INSIG2: variants seen among roughly 807,000 people sequenced by gnomAD.
The protein encoded by INSIG2 is insulin induced gene 2, also known as insulin-induced gene 2 protein.
In INSIG2, 10 loss-of-function variants were observed where a neutral mutation model predicts 27.2. The ratio of observed to expected loss-of-function variants is 0.37; its 90% confidence interval spans 0.23 to 0.62. INSIG2 has a LOEUF of 0.62. Ranked by LOEUF, INSIG2 falls within the 20% of genes least tolerant of loss-of-function variation. The probability of loss-of-function intolerance (pLI) is 0.65; values close to 1 mark genes in which losing one functional copy is unlikely to be tolerated. For missense variants in INSIG2, 178 were observed against 270.2 expected, an observed-to-expected ratio of 0.66 and a Z score of 2.39; for synonymous variants, 97 against 95.8, an observed-to-expected ratio of 1.01 and a Z score of -0.07.
chr2:118,098,897 T>C (rs1678474269), intron 2 of INSIG2, among the ~76,000 whole-genome samples: 2 of 152,210 alleles, frequency 1.3e-5, no homozygotes, highest in Admixed American at 6.5e-5. Context: ...TACCATAAGG[T>C]ACTTGGGCAA....
intron 1 of INSIG2, among the ~76,000 whole-genome samples, chr2:118,089,365 A>G (rs1678171465): frequency 6.6e-6 from 1 of 152,186 alleles, no homozygotes; most frequent in East Asian, 1.9e-4. Context: ...AGGAATGGTT[A>G]GGCTTGGCAG....
intron 2 of INSIG2, among the ~76,000 whole-genome samples, chr2:118,101,846 T>C (rs1225037367): frequency 6.6e-6 from 1 of 152,206 alleles, no homozygotes; most frequent in Non-Finnish European, 1.5e-5. Context: ...CTGTGAGCCA[T>C]CTATACTCAG....
At chr2:118,093,941 TGAGGAG>T (rs1331616893) in intron 1 of INSIG2, among the ~76,000 whole-genome samples, 583 of 7,072 alleles carry the variant, frequency 0.082, 134 homozygotes, top group African/African-American at 0.21. Context: ...ATGATGATGA[TGAGGAG>T]GAGGAGGAGG....
chr2:118,098,572 C>G (rs1678466530), intron 2 of INSIG2, among the ~76,000 whole-genome samples: 1 of 152,172 alleles, frequency 6.6e-6, no homozygotes, highest in Admixed American at 6.6e-5. Context: ...GGGTGCCAGA[C>G]CTAGATGGAA....
At position 118,096,091 on chromosome 2, in the gene INSIG2, A is replaced by G. The variant is rs552522883; in HGVS notation, c.-138-328A>G. Among the ~76,000 whole-genome samples, 125 of 152,332 alleles carry G rather than the reference A, an allele frequency of 8.2e-4. 1 individual carries two copies. The highest frequency in any genetic ancestry group is 9.6e-4 in the Non-Finnish European group (65 of 68,018). On this transcript the variant is annotated intron_variant, in intron 1 of 5. Coordinates refer to ENST00000245787, the MANE Select transcript of INSIG2 (RefSeq NM_016133.4). ...AGCAGGGTTTTACCCTCCAGATTCT[A>G]GTGGAAGTGTCAGATTACCTGTTCT...
In INSIG2 at chr2:118,096,793, G is replaced by A. The variant is rs375157361; in HGVS notation, c.237G>A (p.Thr79=). 2.5e-5 allele frequency: 40 copies of A among 1,612,478 alleles called. No homozygotes were observed. Among genetic ancestry groups the A allele is most frequent in the Admixed American group, 5.0e-5 (3 of 59,984 alleles). The change falls in exon 2 of 6, where the codon ACG becomes ACA. Residue 79 remains threonine, a synonymous_variant. Transcript: ENST00000245787. ...SAWWVPPCCG[T]ASAVIGLLYP... is the part of the protein sequence containing the mutation. ...GGTGGGTACCCCCATGCTGTGGCAC[G>A]GCTTCAGGTATGTGTAGGATGTTTC...
At position 118,109,249 on chromosome 2, in the gene INSIG2, T is replaced by C. The variant is rs1678753838; in HGVS notation, c.*927T>C. On this transcript the variant is annotated 3_prime_UTR_variant, in exon 6 of 6. Coordinates refer to ENST00000245787, the MANE Select transcript of INSIG2 (RefSeq NM_016133.4). ...GATCACAATGAGGTTTCTAAATCTGTTGGGTTCTGTCTTCTATTGGGTTCT... is the reference window on the plus strand; with the variant it reads ...GATCACAATGAGGTTTCTAAATCTGCTGGGTTCTGTCTTCTATTGGGTTCT... The C allele has an allele frequency of 6.6e-6, 1 of 152,216 alleles. No homozygotes were observed. The highest frequency in any genetic ancestry group is 2.4e-5 in the African/African-American group (1 of 41,458). 9.4% of individuals were successfully genotyped at this position (152,216 alleles called of 1,614,324 possible).
At chr2:118,101,243 T>G (rs1678537749) in intron 2 of INSIG2, among the ~76,000 whole-genome samples, 1 of 152,194 alleles carries the variant, frequency 6.6e-6, no homozygotes, top group Non-Finnish European at 1.5e-5. Flanking sequence ...AGTGACAAGC[T>G]TCTTCGAATT....
intron 2 of INSIG2, among the ~76,000 whole-genome samples, chr2:118,099,800 C>G (rs1678496565): frequency 1.3e-5 from 2 of 152,208 alleles, no homozygotes; most frequent in Non-Finnish European, 2.9e-5. Flanking sequence ...CATCCAGTTT[C>G]CAAGTCTTAC....
chr2:118,093,651 AGAT>A (rs202142266), intron 1 of INSIG2, among the ~76,000 whole-genome samples: 1,486 of 58,234 alleles, frequency 0.026, 271 homozygotes, highest in East Asian at 0.15. Context: ...AAAAGCAACC[AGAT>A]GATGATGATG....
At chr2:118,103,077 T>G (rs928766722) in intron 2 of INSIG2, 120 bp from the exon 3 acceptor site, 28 of 984,216 alleles carry the variant, frequency 2.8e-5, no homozygotes, top group African/African-American at 4.8e-5. Context: ...AACTTTTTTT[T>G]TTGTTTTTTT....
At chr2:118,108,141 A>T in intron 5 of INSIG2, 140 bp from the exon 6 acceptor site, 1 of 567,118 alleles carries the variant, frequency 1.8e-6, no homozygotes, top group Non-Finnish European at 3.1e-6. Context: ...CATAGTAATT[A>T]TGTAACTCTT....
intron 2 of INSIG2, among the ~76,000 whole-genome samples, chr2:118,100,623 C>T (rs1678521814): frequency 6.6e-6 from 1 of 152,068 alleles, no homozygotes; most frequent in Non-Finnish European, 1.5e-5. Context: ...CGCGATTCGC[C>T]TGCCTCGGCC....
chr2:118,106,912 T>G lies in INSIG2; in HGVS notation c.536+9T>G, dbSNP rs755201425. 22 of 1,612,094 alleles carry G rather than the reference T, an allele frequency of 1.4e-5. No individual in the cohort carries two copies. Among genetic ancestry groups the G allele is most frequent in the Non-Finnish European group, 1.9e-5 (22 of 1,178,698 alleles). On this transcript the variant is annotated intron_variant, in intron 4 of 5. Coordinates refer to ENST00000245787, the MANE Select transcript of INSIG2 (RefSeq NM_016133.4). ...TATAATGGTGTTTACCAGTAAGTAT[T>G]AATCCTTCAATTTTTGGTGCTTGTT...
intron 1 of INSIG2, among the ~76,000 whole-genome samples, chr2:118,088,849 A>G (rs920466145): frequency 2.0e-5 from 3 of 152,032 alleles, no homozygotes; most frequent in African/African-American, 7.2e-5. Context: ...GAGAAGGGCG[A>G]CCCAATGGTC....
chr2:118,108,417 G>A lies in INSIG2; in HGVS notation c.*95G>A. The A allele has an allele frequency of 4.4e-6, 4 of 919,448 alleles. No individual in the cohort carries two copies. The highest frequency in any genetic ancestry group is 5.2e-6 in the Non-Finnish European group (3 of 578,092). 57.0% of individuals were successfully genotyped at this position (919,448 alleles called of 1,614,324 possible). On this transcript the variant is annotated 3_prime_UTR_variant, in exon 6 of 6. Transcript: ENST00000245787. ...AAAACTTCAGACTGTAAAATTGCCA[G>A]GATGCAGTTTTCCCCTTGATTGGCG... is the stretch of plus-strand genomic sequence containing the variant.
At chr2:118,095,421 G>A (rs907315480) in intron 1 of INSIG2, among the ~76,000 whole-genome samples, 3 of 152,158 alleles carry the variant, frequency 2.0e-5, no homozygotes, top group Non-Finnish European at 4.4e-5. Context: ...TAGGTCAAGT[G>A]ACTTAACCTT....
Position 118,108,355 on chromosome 2 carries a change from C to T in INSIG2, c.*33C>T. ...AAAAAATATCTTTTGTACAGAAAAG[C>T]AAGATGAAAAGGATGTGAAATGGTA... On this transcript the variant is annotated 3_prime_UTR_variant, in exon 6 of 6. Transcript: ENST00000245787. 1 of 1,540,180 alleles carries T rather than the reference C, an allele frequency of 6.5e-7. No homozygotes were observed. The highest frequency in any genetic ancestry group is 2.3e-5 in the East Asian group (1 of 43,640).
intron 1 of INSIG2, among the ~76,000 whole-genome samples, chr2:118,091,789 G>T (rs1389896891): frequency 6.6e-6 from 1 of 152,200 alleles, no homozygotes; most frequent in Non-Finnish European, 1.5e-5. Context: ...GCCAGGAAAG[G>T]TTAAATAAGC....
Sources: gnomAD v4.1 joint callset for allele counts (sites outside exome capture counted in the v4.1 genomes callset) on GRCh38, gnomAD v4.1.1 for gene constraint, MANE v1.5 for transcripts, NCBI Gene and HGNC (gene_info 2026-07-23, HGNC 2026-07-21) for gene names.